The following ADARB1 variants were observed in gnomAD, a reference collection of about 807,000 sequenced individuals.
ADARB1 encodes double-stranded RNA-specific editase 1.
Under a neutral mutation model 52.4 loss-of-function variants are expected in ADARB1, and 10 were observed. That is an observed-to-expected ratio of 0.19 (90% CI 0.12 to 0.32). The LOEUF is 0.32. ADARB1 is among the 10% of genes least tolerant of loss of function. ADARB1 has a pLI of 1.00. For synonymous variants in ADARB1, 349 were observed against 371.1 expected, an observed-to-expected ratio of 0.94 and a Z score of 0.68; for missense variants, 643 against 922.3, an observed-to-expected ratio of 0.70 and a Z score of 3.92.
At position 45,172,848 on chromosome 21, in the gene ADARB1, T is replaced by C. The variant is rs571149269; in HGVS notation, c.28+1164T>C. ...CTGGTGATTGTTTTTTTCAGGTTTT[T>C]ATCCTCATCAATCCTGCTCTTGAGA... On this transcript the variant is annotated intron_variant, in intron 3 of 10. Coordinates refer to ENST00000348831, the MANE Select transcript of ADARB1 (RefSeq NM_001112.4). This position sits in a 1 kb window ranked among gnomAD's most constrained non-coding sequence, Gnocchi z 4.4. Among the ~76,000 whole-genome samples, 1 of 152,350 alleles carries C rather than the reference T, an allele frequency of 6.6e-6. No individual in the cohort carries two copies. The highest frequency in any genetic ancestry group is 1.9e-4 in the East Asian group (1 of 5,186).
chr21:45,123,451 G>A (rs759710029), intron 1 of ADARB1, among the ~76,000 whole-genome samples: 5 of 152,172 alleles, frequency 3.3e-5, no homozygotes, highest in Non-Finnish European at 5.9e-5. Flanking sequence ...TTACAGACAT[G>A]AGCCACCACT....
At chr21:45,125,040 A>C (rs927992435) in intron 1 of ADARB1, among the ~76,000 whole-genome samples, 7 of 151,014 alleles carry the variant, frequency 4.6e-5, no homozygotes, top group Non-Finnish European at 1.0e-4. Flanking sequence ...CAAGTGATCC[A>C]CCTGCCTCAG....
intron 1 of ADARB1, among the ~76,000 whole-genome samples, chr21:45,112,691 G>A (rs1433954074): frequency 2.0e-5 from 3 of 152,180 alleles, no homozygotes; most frequent in Admixed American, 2.0e-4. Context: ...GGGGGATGTA[G>A]GCTTGTGTTA....
At chr21:45,139,246 T>G (rs2089571235) in intron 2 of ADARB1, among the ~76,000 whole-genome samples, 1 of 152,188 alleles carries the variant, frequency 6.6e-6, no homozygotes, top group Non-Finnish European at 1.5e-5. Context: ...GTTACCAAAG[T>G]AGAAAACTTC....
chr21:45,140,619 C>CTGTGTGTGTGTGCGTGAGTG (rs1555896078), intron 2 of ADARB1, among the ~76,000 whole-genome samples: 6 of 151,820 alleles, frequency 4.0e-5, no homozygotes, highest in African/African-American at 1.5e-4. Flanking sequence ...TTTACACCAT[C>CTGTGTGTGTGTGCGTGAGTG]TGTGTGTGTG....
intron 2 of ADARB1, among the ~76,000 whole-genome samples, chr21:45,170,464 CT>C (rs2091435576): frequency 6.6e-6 from 1 of 152,058 alleles, no homozygotes; most frequent in African/African-American, 2.4e-5. Flanking sequence ...ATCTGGAAAA[CT>C]TTGTTGAATA....
At chr21:45,091,207 T>C (rs1179401423) in intron 1 of ADARB1, among the ~76,000 whole-genome samples, 5 of 152,242 alleles carry the variant, frequency 3.3e-5, no homozygotes, top group Non-Finnish European at 1.5e-5. Context: ...CCTTGCCAAT[T>C]TTCCCCTAAC....
chr21:45,185,151 T>C lies in ADARB1; in HGVS notation c.1565+60T>C. The C allele has an allele frequency of 5.1e-6, 8 of 1,556,912 alleles. No homozygotes were observed. In the South Asian group the frequency reaches 9.4e-5, roughly 18 times the overall value. ...GCACACAGGATTCATCCATACTGTT[T>C]GCCAACCTCCCTTTTCCACAACCAT... On this transcript the variant is annotated intron_variant, in intron 8 of 10. Coordinates refer to ENST00000348831, the MANE Select transcript of ADARB1 (RefSeq NM_001112.4).
rs572827056 is a variant in ADARB1, at chr21:45,192,497, G to A, written c.1565+7406G>A. Among the ~76,000 whole-genome samples the A allele has an allele frequency of 3.9e-5, 6 of 152,162 alleles. No individual in the cohort carries two copies. In the East Asian group the frequency reaches 1.2e-3, roughly 29 times the overall value. On this transcript the variant is annotated intron_variant, in intron 8 of 10. Coordinates refer to ENST00000348831, the MANE Select transcript of ADARB1 (RefSeq NM_001112.4). ...GTGGAAGTAATGCAGTGCTAGTTCTGGCATAGCCTTAATTGGCCTGACAAC... is the reference window on the plus strand; with the variant it reads ...GTGGAAGTAATGCAGTGCTAGTTCTAGCATAGCCTTAATTGGCCTGACAAC...
chr21:45,111,422 C>T (rs903713911), intron 1 of ADARB1, among the ~76,000 whole-genome samples: 4 of 152,130 alleles, frequency 2.6e-5, no homozygotes, highest in African/African-American at 7.2e-5. Context: ...CATCCGTATC[C>T]GGAGCCGTGT....
At chr21:45,093,528 C>G (rs756820409) in intron 1 of ADARB1, among the ~76,000 whole-genome samples, 13 of 152,330 alleles carry the variant, frequency 8.5e-5, no homozygotes, top group East Asian at 7.7e-4. Context: ...CCGCCTCTTG[C>G]GTTTCATGCT....
At chr21:45,186,038 T>C (rs1040670248) in intron 8 of ADARB1, among the ~76,000 whole-genome samples, 2 of 152,366 alleles carry the variant, frequency 1.3e-5, no homozygotes, top group Non-Finnish European at 1.5e-5. Flanking sequence ...ACCACTGTGA[T>C]GTGTTTATTT....
chr21:45,099,414 C>G (rs1354504541), intron 1 of ADARB1, among the ~76,000 whole-genome samples: 1 of 152,084 alleles, frequency 6.6e-6, no homozygotes, highest in Non-Finnish European at 1.5e-5. Context: ...CCTGTAATCC[C>G]AGCGCTTTGG....
intron 2 of ADARB1, among the ~76,000 whole-genome samples, chr21:45,151,021 C>T (rs2090258236): frequency 6.6e-6 from 1 of 152,162 alleles, no homozygotes; most frequent in African/African-American, 2.4e-5. Flanking sequence ...AACAAAGGGT[C>T]AGGCAGAGAG....
chr21:45,171,671 T>C lies in ADARB1; in HGVS notation c.15T>C (p.Asp5=), dbSNP rs1209546395. MDIE[D]EENMSSSSTD... ...AGTATTTTGCCATGGATATAGAAGA[T>C]GAAGAAAACATGAGTAAGATCTAGG... is the stretch of plus-strand genomic sequence containing the variant. The change falls in exon 3 of 11, where the codon GAT becomes GAC. Residue 5 remains aspartate (D), a synonymous_variant. Transcript: ENST00000348831. 6.2e-7 allele frequency: 1 copy of C among 1,613,534 alleles called. No homozygotes were observed. The highest frequency in any genetic ancestry group is 8.5e-7 in the Non-Finnish European group (1 of 1,179,792).
intron 1 of ADARB1, among the ~76,000 whole-genome samples, chr21:45,088,914 C>T (rs2086453194): frequency 6.6e-6 from 1 of 152,108 alleles, no homozygotes; most frequent in South Asian, 2.1e-4. Flanking sequence ...GTCAGACGCT[C>T]CAGTAGAGGG....
chr21:45,222,193 C>T lies in ADARB1; in HGVS notation c.2102C>T (p.Pro701Leu). ...GAGCAGGACCAGTTCTCACTCACGC[C>T]CTGACCCGGGCAGACATGATGGGGG... ...PTEQDQFSLTP is the reference protein window; with the variant it reads ...PTEQDQFSLTL Residue 701 changes from proline to leucine, a missense_variant, in exon 11 of 11, where the codon CCC (proline) becomes CTC (leucine). By Grantham distance (98) the Pro-to-Leu change is moderately conservative. Coordinates refer to ENST00000348831, the MANE Select transcript of ADARB1 (RefSeq NM_001112.4). 1 of 1,569,428 alleles carries T rather than the reference C, an allele frequency of 6.4e-7. No homozygotes were observed. Among genetic ancestry groups the T allele is most frequent in the South Asian group, 1.2e-5 (1 of 82,742 alleles).
At chr21:45,117,694 G>A (rs2087909898) in intron 1 of ADARB1, among the ~76,000 whole-genome samples, 1 of 152,112 alleles carries the variant, frequency 6.6e-6, no homozygotes, top group African/African-American at 2.4e-5. Flanking sequence ...TTATTTAATG[G>A]ATCAGCTATT....
intron 2 of ADARB1, among the ~76,000 whole-genome samples, chr21:45,148,577 A>G (rs1312513096): frequency 6.6e-6 from 1 of 152,196 alleles, no homozygotes; most frequent in African/African-American, 2.4e-5. Flanking sequence ...TATCCCGCCC[A>G]CAGGGGAAGC....
Sources: gnomAD v4.1 joint callset for allele counts (sites outside exome capture counted in the v4.1 genomes callset) on GRCh38, gnomAD v4.1.1 for gene constraint, Gnocchi (gnomAD v3.1) non-coding constraint, MANE v1.5 for transcripts, NCBI Gene and HGNC (gene_info 2026-07-23, HGNC 2026-07-21) for gene names.